The following USP48 variants were observed in gnomAD, a reference collection of about 807,000 sequenced individuals.
USP48 encodes ubiquitin carboxyl-terminal hydrolase 48.
A neutral mutation model predicts 150.7 loss-of-function variants in USP48; 43 were observed. That is an observed-to-expected ratio of 0.29 (90% confidence interval 0.22 to 0.37). USP48 has a LOEUF of 0.37. USP48 is among the 10% of genes least tolerant of loss of function. The pLI is 1.00. For synonymous variants in USP48, 396 were observed against 425.9 expected, an observed-to-expected ratio of 0.93 and a Z score of 0.86; for missense variants, 813 against 1,249.6, an observed-to-expected ratio of 0.65 and a Z score of 5.27.
chr1:21,711,097 T>C (rs932151044), intron 15 of USP48, among the ~76,000 whole-genome samples: 7 of 151,994 alleles, frequency 4.6e-5, no homozygotes, highest in African/African-American at 1.2e-4. Flanking sequence ...ATTATTTATA[T>C]ATATATATAA....
rs186497452 is a variant in USP48 at position 21,781,639 on chromosome 1, T to C, written c.134+1185A>G. Among the ~76,000 whole-genome samples the C allele has an allele frequency of 1.1e-3, 174 of 151,768 alleles. 1 individual carries two copies. Among genetic ancestry groups the C allele is most frequent in the African/African-American group, 3.9e-3 (160 of 41,364 alleles). On this transcript the variant is annotated intron_variant, in intron 1 of 26. Coordinates refer to ENST00000308271, the MANE Select transcript of USP48 (RefSeq NM_032236.8). ...ATCCCAGCTACTCCGGAGGCCGAGG[T>C]GGGAGGATCGCTTGAGCCTGGGAAA...
At chr1:21,718,531 T>C (rs902762920) in intron 14 of USP48, among the ~76,000 whole-genome samples, 1 of 151,634 alleles carries the variant, frequency 6.6e-6, no homozygotes, top group Non-Finnish European at 1.5e-5. Context: ...TTACTAAAAA[T>C]GAAGGGACAC....
At chr1:21,680,422 C>A (rs1412532407) in intron 26 of USP48, among the ~76,000 whole-genome samples, 6 of 152,220 alleles carry the variant, frequency 3.9e-5, no homozygotes. Flanking sequence ...CTGACAAATT[C>A]TTGTGCCACT....
chr1:21,724,304 T>C (rs577235190), intron 11 of USP48: 1 of 618,562 alleles, frequency 1.6e-6, no homozygotes, highest in East Asian at 2.7e-5. Context: ...TGCACCATAA[T>C]GCTGAGTCTG....
intron 15 of USP48, among the ~76,000 whole-genome samples, chr1:21,710,367 T>C (rs2097686959): frequency 6.6e-6 from 1 of 152,210 alleles, no homozygotes; most frequent in Admixed American, 6.5e-5. Flanking sequence ...TCAAACTGTA[T>C]ATAATACTTT....
intron 1 of USP48, among the ~76,000 whole-genome samples, chr1:21,779,351 C>A (rs1412762398): frequency 5.9e-5 from 9 of 151,972 alleles, no homozygotes; most frequent in Non-Finnish European, 1.0e-4. Flanking sequence ...TCAAGACCAG[C>A]CTGGCCAACT....
intron 8 of USP48, among the ~76,000 whole-genome samples, chr1:21,740,295 T>G (rs2097778588): frequency 6.6e-6 from 1 of 152,252 alleles, no homozygotes; most frequent in Non-Finnish European, 1.5e-5. Flanking sequence ...TGATAGAGTA[T>G]CCTTTCCATT....
Position 21,751,498 on chromosome 1 carries a change from T to A in USP48, c.774+9A>T, listed in dbSNP as rs1013265345. On this transcript the variant is annotated intron_variant, in intron 6 of 26. Transcript: ENST00000308271. ...GGCAGGAACAATACATACACCAAAATTTGAATACCTTCAAAAATTCCGAGA... is the reference window on the plus strand; with the variant it reads ...GGCAGGAACAATACATACACCAAAAATTGAATACCTTCAAAAATTCCGAGA... 9 of 1,607,852 alleles carry A rather than the reference T, an allele frequency of 5.6e-6. No individual in the cohort carries two copies. The highest frequency in any genetic ancestry group is 6.8e-6 in the Non-Finnish European group (8 of 1,175,086).
At position 21,679,934 on chromosome 1, in the gene USP48, C is replaced by T. The variant is rs9426777; in HGVS notation, c.3086-495G>A. ...GTCTCGAACTCCTGACCTCAAGTGA[C>T]CCACCCGTCTCAACCTCCAAAAGTG... On this transcript the variant is annotated intron_variant, in intron 26 of 26. Transcript: ENST00000308271. Among the ~76,000 whole-genome samples, 540 of 151,996 alleles carry T rather than the reference C, an allele frequency of 3.6e-3. 1 individual carries two copies. The highest frequency in any genetic ancestry group is 6.5e-3 in the Non-Finnish European group (444 of 67,964).
At chr1:21,721,810 A>G (rs756823437) in intron 12 of USP48, 46 bp from the exon 13 acceptor site, 36 of 1,352,774 alleles carry the variant, frequency 2.7e-5, no homozygotes, top group Admixed American at 6.9e-5. Flanking sequence ...ATTCAAACAG[A>G]CTTCCTGTTA....
chr1:21,733,058 C>T (rs2097760667), intron 9 of USP48, among the ~76,000 whole-genome samples: 1 of 152,160 alleles, frequency 6.6e-6, no homozygotes, highest in South Asian at 2.1e-4. Context: ...ACTGTACTGT[C>T]ACAGGGAATT....
chr1:21,748,508 T>C (rs1435906580), intron 6 of USP48, among the ~76,000 whole-genome samples: 1 of 152,272 alleles, frequency 6.6e-6, no homozygotes. Flanking sequence ...ATGTATGATA[T>C]TAAAAATACT....
intron 15 of USP48, among the ~76,000 whole-genome samples, chr1:21,710,811 A>C (rs904168988): frequency 2.6e-5 from 4 of 151,598 alleles, no homozygotes; most frequent in Admixed American, 1.3e-4. Context: ...AAAAAAAAAA[A>C]AACTTTTATT....
At chr1:21,775,044 C>A (rs1401018406) in intron 1 of USP48, among the ~76,000 whole-genome samples, 1 of 151,354 alleles carries the variant, frequency 6.6e-6, no homozygotes, top group East Asian at 1.9e-4. Flanking sequence ...TAAGGCAGCT[C>A]TACATGCATG....
chr1:21,710,129 G>A (rs1183020162), intron 15 of USP48, among the ~76,000 whole-genome samples: 1 of 152,042 alleles, frequency 6.6e-6, no homozygotes, highest in Admixed American at 6.6e-5. Context: ...CTTGTATCCT[G>A]CAATGAAACA....
intron 26 of USP48, among the ~76,000 whole-genome samples, chr1:21,679,710 C>CT (rs1201600227): frequency 2.0e-5 from 3 of 152,180 alleles, no homozygotes; most frequent in Non-Finnish European, 4.4e-5. Flanking sequence ...GACCATTCTT[C>CT]TTTTCTGAGA....
chr1:21,775,414 G>A (rs768886116), intron 1 of USP48, among the ~76,000 whole-genome samples: 19 of 152,152 alleles, frequency 1.2e-4, no homozygotes, highest in Non-Finnish European at 2.4e-4. Flanking sequence ...GGTGTATGCC[G>A]CCACCATGCC....
rs10699993 is a variant in USP48 at position 21,744,777 on chromosome 1, TAAAAAAAAAAAAA to T, written c.991+2277_991+2289del. 2.3e-3 allele frequency among the ~76,000 whole-genome samples: 135 copies of T among 59,596 alleles called. 1 individual carries two copies. In the East Asian group the frequency reaches 0.056, roughly 25 times the overall value. 39.1% of individuals were successfully genotyped at this position (59,596 alleles called of 152,430 possible). Reference sequence around the variant, plus strand: ...GGGCAACAGAATGAAACTCTATCTCTAAAAAAAAAAAAAAAAAAAAAAAAATGCTAAGCTTTTA... The same window carrying T: ...GGGCAACAGAATGAAACTCTATCTCTAAAAAAAAAAAATGCTAAGCTTTTA... On this transcript the variant is annotated intron_variant, in intron 8 of 26. Transcript: ENST00000308271.
Position 21,752,402 on chromosome 1 carries a change from A to G in USP48, c.665+125T>C, listed in dbSNP as rs76364206. On this transcript the variant is annotated intron_variant, in intron 5 of 26. Coordinates refer to ENST00000308271, the MANE Select transcript of USP48 (RefSeq NM_032236.8). ...TATGTTCCCATGGAAATGTATTACT[A>G]TAAATATTTCAGGTCCCATGATAAA... The G allele has an allele frequency of 7.5e-4, 863 of 1,143,440 alleles. 4 individuals are homozygous for G. The African/African-American group carries it at 0.012, about 16-fold the overall frequency. The allele number at this position is 1,143,440 out of a possible 1,614,324, so 70.8% of individuals were successfully genotyped here. A position where few individuals can be genotyped will look rare whatever the true frequency, so the allele number is the denominator to read the frequency against.
Sources: allele counts gnomAD v4.1 joint callset (sites outside exome capture counted in the v4.1 genomes callset), GRCh38; gene constraint gnomAD v4.1.1; transcripts MANE v1.5; gene names NCBI Gene and HGNC (gene_info 2026-07-23, HGNC 2026-07-21).